Variants in B3GALT1 observed in about 807,000 individuals in gnomAD.
B3GALT1 encodes the protein UDP-Gal:betaGlcNAc beta 1,3-galactosyltransferase, polypeptide 1.
B3GALT1 carries 10 observed loss-of-function variants against 23.2 expected under a neutral mutation model. The observed-to-expected ratio is 0.43, with a 90% CI of 0.27 to 0.73. The LOEUF (loss-of-function observed/expected upper bound fraction) is 0.73, where lower values mean the gene tolerates loss of function less well. B3GALT1 is among the 30% of genes least tolerant of loss of function. The pLI is 0.21. For missense variants in B3GALT1, 299 were observed against 405.4 expected (o/e 0.74, Z 2.25); for synonymous variants, 156 against 141.5 (o/e 1.10, Z -0.73).
chr2:167,838,576 A>C (rs988975997), intron 4 of B3GALT1, among the ~76,000 whole-genome samples: 31 of 152,418 alleles, frequency 2.0e-4, no homozygotes, highest in South Asian at 8.3e-4. Context: ...AGAAGGATTC[A>C]CAGCCGAATT....
chr2:167,508,136 C>A (rs187173526), intron 2 of B3GALT1, among the ~76,000 whole-genome samples: 2 of 152,170 alleles, frequency 1.3e-5, no homozygotes, highest in Admixed American at 6.5e-5. Context: ...CAACCTAATA[C>A]CATCACATTG....
At chr2:167,665,966 G>T (rs1327689658) in intron 3 of B3GALT1, among the ~76,000 whole-genome samples, 1 of 152,036 alleles carries the variant, frequency 6.6e-6, no homozygotes, top group African/African-American at 2.4e-5. Flanking sequence ...ATTTCCTTCA[G>T]TTCTGCTCTG....
At chr2:167,716,182 T>C in intron 3 of B3GALT1, 3 of 1,090,184 alleles carry the variant, frequency 2.8e-6, no homozygotes, top group Non-Finnish European at 3.9e-6. Context: ...CGGAGCGGAC[T>C]ACTGCGGAGC....
chr2:167,447,174 G>C (rs1699012900), intron 1 of B3GALT1, among the ~76,000 whole-genome samples: 1 of 152,198 alleles, frequency 6.6e-6, no homozygotes, highest in Non-Finnish European at 1.5e-5. Flanking sequence ...CTGCAGAACA[G>C]CTAATATCGC....
chr2:167,750,061 T>C (rs1687711585), intron 3 of B3GALT1, among the ~76,000 whole-genome samples: 1 of 152,232 alleles, frequency 6.6e-6, no homozygotes, highest in Non-Finnish European at 1.5e-5. Flanking sequence ...TATGTATGTA[T>C]TCTTGTAGAA....
intron 1 of B3GALT1, among the ~76,000 whole-genome samples, chr2:167,294,553 C>T (rs936911020): frequency 3.3e-5 from 5 of 152,214 alleles, no homozygotes; most frequent in African/African-American, 7.2e-5. Context: ...CACAAACTTA[C>T]TCTTGGCGAT....
chr2:167,794,320 G>C (rs111767350), intron 3 of B3GALT1, among the ~76,000 whole-genome samples: 1 of 152,162 alleles, frequency 6.6e-6, no homozygotes, highest in African/African-American at 2.4e-5. Flanking sequence ...GGTTGAATTT[G>C]ATGTTTTTAA....
chr2:167,545,520 G>A (rs1041538625), intron 2 of B3GALT1, among the ~76,000 whole-genome samples: 14 of 152,240 alleles, frequency 9.2e-5, no homozygotes, highest in Admixed American at 1.3e-4. Context: ...TTAGCTTGCC[G>A]CTATAACTCA....
At chr2:167,701,711 G>A (rs1404358150) in intron 3 of B3GALT1, among the ~76,000 whole-genome samples, 1 of 152,142 alleles carries the variant, frequency 6.6e-6, no homozygotes, top group Non-Finnish European at 1.5e-5. Context: ...CTGCATAATT[G>A]CAAATAAAAT....
intron 3 of B3GALT1, chr2:167,814,792 G>A (rs932379636): frequency 3.9e-4 from 60 of 152,326 alleles, no homozygotes; most frequent in African/African-American, 1.3e-3. Flanking sequence ...AGAATTTATT[G>A]CATGAATTTG....
chr2:167,725,803 A>C (rs1687303226), intron 3 of B3GALT1, among the ~76,000 whole-genome samples: 1 of 152,184 alleles, frequency 6.6e-6, no homozygotes, highest in South Asian at 2.1e-4. Context: ...CAGGGAGATG[A>C]AGACCTTCCT....
intron 2 of B3GALT1, among the ~76,000 whole-genome samples, chr2:167,499,391 G>A (rs762666838): frequency 5.3e-5 from 8 of 151,908 alleles, no homozygotes; most frequent in Non-Finnish European, 7.4e-5. Context: ...TTCTTGGAAG[G>A]GAAAAAATGT....
chr2:167,697,238 G>C (rs2105506522), intron 3 of B3GALT1, among the ~76,000 whole-genome samples: 1 of 152,332 alleles, frequency 6.6e-6, no homozygotes, highest in Non-Finnish European at 1.5e-5. Flanking sequence ...CAGTGACGTT[G>C]CTCATGATTA....
chr2:167,498,815 C>T (rs915627451), intron 2 of B3GALT1, among the ~76,000 whole-genome samples: 1 of 152,042 alleles, frequency 6.6e-6, no homozygotes, highest in Non-Finnish European at 1.5e-5. Flanking sequence ...CATCATGCTG[C>T]CCCTATTAAA....
At chr2:167,504,962 C>T (rs1252277316) in intron 2 of B3GALT1, among the ~76,000 whole-genome samples, 1 of 152,100 alleles carries the variant, frequency 6.6e-6, no homozygotes, top group Non-Finnish European at 1.5e-5. Flanking sequence ...TTAAGTGATG[C>T]ATGACTATAT....
chr2:167,789,865 C>T lies in B3GALT1; in HGVS notation c.-351-28807C>T, dbSNP rs577633044. On this transcript the variant is annotated intron_variant, in intron 3 of 4. Coordinates refer to ENST00000392690, the MANE Select transcript of B3GALT1 (RefSeq NM_020981.4). ...AGTCTGGAAATTATAGACACGGGCC[C>T]CTTGGAACAGTGTCTTCAAATCTGC... 2.6e-5 allele frequency among the ~76,000 whole-genome samples: 4 copies of T among 152,192 alleles called. No homozygotes were observed. In the South Asian group the frequency reaches 8.3e-4, roughly 32 times the overall value.
intron 2 of B3GALT1, among the ~76,000 whole-genome samples, chr2:167,504,370 T>C (rs1439998461): frequency 6.6e-6 from 1 of 152,192 alleles, no homozygotes. Context: ...TATGCAATTA[T>C]ATGTCACCCA....
chr2:167,620,876 A>C (rs1685243211), intron 2 of B3GALT1, among the ~76,000 whole-genome samples: 1 of 152,002 alleles, frequency 6.6e-6, no homozygotes, highest in South Asian at 2.1e-4. Flanking sequence ...TTGTTCACCA[A>C]CTTGTAATAT....
At chr2:167,458,141 C>A (rs1699199527) in intron 1 of B3GALT1, among the ~76,000 whole-genome samples, 1 of 152,164 alleles carries the variant, frequency 6.6e-6, no homozygotes, top group African/African-American at 2.4e-5. Context: ...TCCTCAGCCC[C>A]TAACAACCAC....
Sources: gnomAD v4.1 joint callset for allele counts (sites outside exome capture counted in the v4.1 genomes callset) on GRCh38, gnomAD v4.1.1 for gene constraint, MANE v1.5 for transcripts, NCBI Gene and HGNC (gene_info 2026-07-23, HGNC 2026-07-21) for gene names.